CFAP54: variants seen among roughly 807,000 people sequenced by gnomAD.
CFAP54 encodes cilia and flagella associated protein 54.
A neutral mutation model predicts 370.4 loss-of-function variants in CFAP54; 290 were observed. That is an observed-to-expected ratio of 0.78 (90% confidence interval 0.71 to 0.86). The LOEUF is 0.86. Ranked by LOEUF, CFAP54 falls within the 40% of genes least tolerant of loss-of-function variation. The pLI, the probability that CFAP54 is intolerant of heterozygous loss-of-function variation, is 0.00. For missense variants in CFAP54, 3,399 were observed against 3,528.7 expected, an observed-to-expected ratio of 0.96 and a Z score of 0.93; for synonymous variants, 1,206 against 1,236.5, an observed-to-expected ratio of 0.98 and a Z score of 0.52.
At chr12:96,868,901 T>C (rs1960077927) in intron 67 of CFAP54, among the ~76,000 whole-genome samples, 1 of 152,218 alleles carries the variant, frequency 6.6e-6, no homozygotes, top group Admixed American at 6.5e-5. Context: ...AAAAACGGAC[T>C]ACATACTTAG....
At chr12:96,793,219 A>G (rs1244291658) in intron 63 of CFAP54, among the ~76,000 whole-genome samples, 1 of 151,942 alleles carries the variant, frequency 6.6e-6, no homozygotes, top group African/African-American at 2.4e-5. Context: ...CCCAAAATCT[A>G]TTGTATCATT....
intron 46 of CFAP54, among the ~76,000 whole-genome samples, chr12:96,701,407 G>A (rs909532943): frequency 1.3e-5 from 2 of 152,044 alleles, no homozygotes; most frequent in African/African-American, 4.8e-5. Context: ...TGCCATTCCA[G>A]GCATGGAGAT....
intron 26 of CFAP54, among the ~76,000 whole-genome samples, chr12:96,606,566 A>G (rs974953137): frequency 1.2e-4 from 18 of 152,210 alleles, no homozygotes; most frequent in African/African-American, 7.2e-5. Context: ...CAGGAAGGCT[A>G]TTTGTTTTAA....
At chr12:96,658,839 A>T (rs1193575667) in intron 38 of CFAP54, among the ~76,000 whole-genome samples, 2 of 152,172 alleles carry the variant, frequency 1.3e-5, no homozygotes, top group East Asian at 3.9e-4. Flanking sequence ...AACTGCCTGT[A>T]TCAGCCAGGA....
intron 60 of CFAP54, among the ~76,000 whole-genome samples, chr12:96,770,079 A>T (rs1433507906): frequency 6.6e-6 from 1 of 152,100 alleles, no homozygotes; most frequent in South Asian, 2.1e-4. Flanking sequence ...CTAACACACA[A>T]TTCCCCATAG....
chr12:96,532,022 G>A (rs764619421), intron 9 of CFAP54, among the ~76,000 whole-genome samples: 14 of 152,270 alleles, frequency 9.2e-5, no homozygotes, highest in East Asian at 5.8e-4. Flanking sequence ...CATCGCACCC[G>A]GCCATCAATG....
intron 2 of CFAP54, 60 bp downstream of exon 2, chr12:96,500,999 T>A: frequency 1.0e-6 from 1 of 975,976 alleles, no homozygotes; most frequent in Non-Finnish European, 1.5e-6. Context: ...ATTATTACAG[T>A]ATTTAGTCTG....
intron 66 of CFAP54, among the ~76,000 whole-genome samples, chr12:96,849,434 G>A (rs1959472488): frequency 6.6e-6 from 1 of 152,180 alleles, no homozygotes; most frequent in Admixed American, 6.5e-5. Flanking sequence ...GGAACGCTTA[G>A]AATTGATGAA....
At chr12:96,538,666 C>A in intron 13 of CFAP54, 148 bp downstream of exon 13, 2 of 755,286 alleles carry the variant, frequency 2.6e-6, no homozygotes, top group Non-Finnish European at 4.1e-6. Context: ...GATATTCTTT[C>A]TAGCGCTGAG....
At chr12:96,795,591 G>T (rs977328520) in intron 63 of CFAP54, among the ~76,000 whole-genome samples, 5 of 152,004 alleles carry the variant, frequency 3.3e-5, no homozygotes, top group Admixed American at 3.3e-4. Flanking sequence ...GCCTCACCCA[G>T]CTCCCACATG....
At chr12:96,524,129 A>G (rs915013557) in intron 8 of CFAP54, among the ~76,000 whole-genome samples, 6 of 152,156 alleles carry the variant, frequency 3.9e-5, no homozygotes, top group African/African-American at 1.4e-4. Context: ...CTGGGTTTGT[A>G]TGTAAGTTGT....
chr12:96,772,491 C>A (rs1452072300), intron 60 of CFAP54, among the ~76,000 whole-genome samples: 1 of 152,126 alleles, frequency 6.6e-6, no homozygotes, highest in Non-Finnish European at 1.5e-5. Context: ...CCTCTGACTT[C>A]GTTTCTGCAT....
In CFAP54 at chr12:96,538,705, G is replaced by T. The variant is rs1955536652; in HGVS notation, c.1926+187G>T. 5 of 590,432 alleles carry T rather than the reference G, an allele frequency of 8.5e-6. No homozygotes were observed. In the East Asian group the frequency reaches 1.5e-4, roughly 18 times the overall value. 36.6% of individuals were successfully genotyped at this position (590,432 alleles called of 1,614,324 possible). A position where few individuals can be genotyped will look rare whatever the true frequency, so the allele number is the denominator to read the frequency against. On this transcript the variant is annotated intron_variant, in intron 13 of 67. Coordinates refer to ENST00000524981, the MANE Select transcript of CFAP54 (RefSeq NM_001306084.2). Reference sequence around the variant, plus strand: ...CCCTTTCTTTTAATGTGTGTTCCCTGCACTCCTGTTCTAATTTTGTTTGTT... The same window carrying T: ...CCCTTTCTTTTAATGTGTGTTCCCTTCACTCCTGTTCTAATTTTGTTTGTT...
At chr12:96,574,622 G>A (rs919733074) in intron 19 of CFAP54, among the ~76,000 whole-genome samples, 2 of 151,966 alleles carry the variant, frequency 1.3e-5, no homozygotes, top group African/African-American at 4.8e-5. Context: ...TGAGCACTAT[G>A]ATCATGTTTT....
At chr12:96,573,307 T>G (rs1167357029) in intron 19 of CFAP54, among the ~76,000 whole-genome samples, 2 of 152,230 alleles carry the variant, frequency 1.3e-5, no homozygotes, top group Admixed American at 6.5e-5. Flanking sequence ...CAAAATATAA[T>G]AGCGTTTTAT....
In CFAP54 at chr12:96,756,469, C is replaced by T. The variant is rs140057384; in HGVS notation, c.7852C>T (p.Arg2618Cys). The T allele has an allele frequency of 2.0e-5, 31 of 1,586,318 alleles. No individual in the cohort carries two copies. The highest frequency in any genetic ancestry group is 4.1e-5 in the African/African-American group (3 of 73,072). Residue 2618 changes from arginine (R) to cysteine (C), a missense_variant, in exon 57 of 68, where the codon CGT becomes TGT. Coordinates refer to ENST00000524981, the MANE Select transcript of CFAP54 (RefSeq NM_001306084.2). ...EILFQKGKIERQILMEEKSPS... is the reference protein window; with the variant it reads ...EILFQKGKIECQILMEEKSPS... ...TTTTCTTCTTTCAGGCAAAATAGAA[C>T]GTCAAATACTAATGGAAGAGAAATC...
chr12:96,742,941 G>A (rs1199178304), intron 52 of CFAP54, among the ~76,000 whole-genome samples: 1 of 152,132 alleles, frequency 6.6e-6, no homozygotes, highest in Admixed American at 6.5e-5. Flanking sequence ...TCCTTGCCAA[G>A]CCTTTCTTTG....
intron 17 of CFAP54, among the ~76,000 whole-genome samples, chr12:96,563,853 G>A (rs1460317625): frequency 6.6e-6 from 1 of 152,206 alleles, no homozygotes; most frequent in Non-Finnish European, 1.5e-5. Context: ...CCCTGGGCTA[G>A]TATAGTTGTA....
chr12:96,669,245 G>C (rs1490977182), intron 39 of CFAP54, among the ~76,000 whole-genome samples: 3 of 152,242 alleles, frequency 2.0e-5, no homozygotes, highest in Admixed American at 6.5e-5. Context: ...GGGAAGGATA[G>C]AGATCTAGTT....
Sources: gnomAD v4.1 joint callset for allele counts (sites outside exome capture counted in the v4.1 genomes callset) on GRCh38, gnomAD v4.1.1 for gene constraint, MANE v1.5 for transcripts, NCBI Gene and HGNC (gene_info 2026-07-23, HGNC 2026-07-21) for gene names.